GRIA4: variants seen among roughly 807,000 people sequenced by gnomAD.
The protein encoded by GRIA4 is glutamate ionotropic receptor AMPA type subunit 4, also known as glutamate receptor 4.
A neutral mutation model predicts 104.0 loss-of-function variants in GRIA4; 34 were observed. The ratio of observed to expected loss-of-function variants is 0.33; its 90% CI spans 0.25 to 0.44. The LOEUF (loss-of-function observed/expected upper bound fraction) is 0.44, where lower values mean the gene tolerates loss of function less well. GRIA4 is among the 20% of genes least tolerant of loss of function. GRIA4 has a pLI of 1.00. For synonymous variants in GRIA4, 386 were observed against 381.9 expected (o/e 1.01, Z -0.13); for missense variants, 750 against 1,096.5 (o/e 0.68, Z 4.46).
chr11:105,933,884 C>A lies in GRIA4; in HGVS notation c.2209C>A (p.Arg737=). 1 of 1,613,070 alleles carries A rather than the reference C, an allele frequency of 6.2e-7. No individual in the cohort carries two copies. The highest frequency in any genetic ancestry group is 1.1e-5 in the South Asian group (1 of 91,054). Reference sequence around the variant, plus strand: ...CACTATGAATGAATACATTGAGCAGCGAAAGCCATGTGACACGATGAAAGT... The same window carrying A: ...CACTATGAATGAATACATTGAGCAGAGAAAGCCATGTGACACGATGAAAGT... ...ESTMNEYIEQ[R]KPCDTMKVGG... is the part of the protein sequence containing the mutation. Residue 737 remains arginine, a synonymous_variant, in exon 14 of 17, where the codon CGA becomes AGA. Coordinates refer to ENST00000282499, the MANE Select transcript of GRIA4 (RefSeq NM_000829.4).
intron 4 of GRIA4, among the ~76,000 whole-genome samples, chr11:105,855,525 G>T (rs1359556146): frequency 1.3e-5 from 2 of 151,970 alleles, no homozygotes; most frequent in Admixed American, 1.3e-4. Flanking sequence ...AGAAAAAGTT[G>T]TACTTTATGA....
chr11:105,897,289 T>C (rs1323059053), intron 6 of GRIA4, among the ~76,000 whole-genome samples: 1 of 152,168 alleles, frequency 6.6e-6, no homozygotes, highest in Non-Finnish European at 1.5e-5. Flanking sequence ...TGCAATTGTT[T>C]ATCAGACATA....
At chr11:105,912,367 A>G in intron 10 of GRIA4, 2 of 970,984 alleles carry the variant, frequency 2.1e-6, no homozygotes, top group Non-Finnish European at 2.4e-6. Flanking sequence ...GGTATGATAT[A>G]GAGAATCTCC....
intron 7 of GRIA4, 28 bp downstream of exon 7, chr11:105,898,455 T>A: frequency 7.7e-7 from 1 of 1,290,752 alleles, no homozygotes; most frequent in Non-Finnish European, 1.1e-6. Context: ...TCTACTGTAT[T>A]ACTGATAGTT....
intron 4 of GRIA4, among the ~76,000 whole-genome samples, chr11:105,815,200 G>C (rs1943328072): frequency 6.6e-6 from 1 of 152,230 alleles, no homozygotes; most frequent in Non-Finnish European, 1.5e-5. Flanking sequence ...CCAGTTACAT[G>C]AATCAATAAA....
At chr11:105,915,241 T>C (rs1425879913) in intron 10 of GRIA4, among the ~76,000 whole-genome samples, 1 of 152,188 alleles carries the variant, frequency 6.6e-6, no homozygotes, top group Non-Finnish European at 1.5e-5. Flanking sequence ...TCACTCATCT[T>C]GAATCTCAGT....
intron 10 of GRIA4, among the ~76,000 whole-genome samples, chr11:105,917,526 T>A (rs1947439337): frequency 6.6e-6 from 1 of 152,174 alleles, no homozygotes; most frequent in Non-Finnish European, 1.5e-5. Flanking sequence ...CTTCCCCAAT[T>A]ATGAACTTTC....
At chr11:105,614,119 T>G (rs566006284) in intron 3 of GRIA4, 1 of 151,870 alleles carries the variant, frequency 6.6e-6, no homozygotes, top group Middle Eastern at 3.9e-3. Flanking sequence ...CTTACTACTT[T>G]TAAAAATAAT....
chr11:105,713,976 A>G (rs1028338905), intron 3 of GRIA4, among the ~76,000 whole-genome samples: 6 of 152,122 alleles, frequency 3.9e-5, no homozygotes, highest in Non-Finnish European at 7.4e-5. Context: ...TTTGTTTGTT[A>G]CCACAATAAT....
rs7941407 is a variant in GRIA4, at chr11:105,934,835, C to T, written c.2294+866C>T. Among the ~76,000 whole-genome samples the T allele has an allele frequency of 2.1e-3, 323 of 152,184 alleles. 3 individuals are homozygous for T. The highest frequency in any genetic ancestry group is 6.8e-3 in the African/African-American group (282 of 41,526). ...AAAGGCTGCTGTTGAATTGATGGGG[C>T]TGGATCCCATCAAAAGTGATGATCG... On this transcript the variant is annotated intron_variant, in intron 14 of 16. Transcript: ENST00000282499.
chr11:105,616,654 G>C (rs1037278802), intron 3 of GRIA4, among the ~76,000 whole-genome samples: 1 of 151,562 alleles, frequency 6.6e-6, no homozygotes, highest in African/African-American at 2.4e-5. Flanking sequence ...GTTTACACTG[G>C]ACTAATATAA....
chr11:105,787,527 G>A (rs968087690), intron 4 of GRIA4, among the ~76,000 whole-genome samples: 2 of 145,216 alleles, frequency 1.4e-5, no homozygotes, highest in African/African-American at 5.2e-5. Flanking sequence ...CTAGGCTGGA[G>A]TGCAATGGAG....
chr11:105,658,668 G>A (rs953603248), intron 3 of GRIA4, among the ~76,000 whole-genome samples: 12 of 151,882 alleles, frequency 7.9e-5, no homozygotes, highest in African/African-American at 2.9e-4. Context: ...GGGAGTGATA[G>A]TTGACATTAT....
chr11:105,647,299 C>A (rs1158486884), intron 3 of GRIA4, among the ~76,000 whole-genome samples: 4 of 152,062 alleles, frequency 2.6e-5, no homozygotes, highest in Non-Finnish European at 4.4e-5. Flanking sequence ...AAATAACATG[C>A]TGGCGAGGTT....
chr11:105,852,042 G>T (rs2135989986), intron 4 of GRIA4, among the ~76,000 whole-genome samples: 1 of 152,280 alleles, frequency 6.6e-6, no homozygotes, highest in South Asian at 2.1e-4. Flanking sequence ...ATAGAGAACT[G>T]CTCATGAAAT....
At chr11:105,831,418 T>A (rs879290433) in intron 4 of GRIA4, among the ~76,000 whole-genome samples, 1 of 151,956 alleles carries the variant, frequency 6.6e-6, no homozygotes, top group African/African-American at 2.4e-5. Flanking sequence ...ATAAGCTCCA[T>A]CTCATGACAT....
chr11:105,678,235 G>C lies in GRIA4; in HGVS notation c.247+65801G>C, dbSNP rs116671822. Among the ~76,000 whole-genome samples the C allele has an allele frequency of 6.8e-3, 1,035 of 152,122 alleles. 14 individuals carry two copies. Among genetic ancestry groups the C allele is most frequent in the East Asian group, 0.044 (229 of 5,174 alleles). ...AATAATAAGAAAGTCCTCTATGAGT[G>C]TATGCAAAGTTGACGTGGGGGCCCA... On this transcript the variant is annotated intron_variant, in intron 3 of 16. Transcript: ENST00000282499.
intron 4 of GRIA4, among the ~76,000 whole-genome samples, chr11:105,846,277 TA>T (rs1944592471): frequency 1.3e-5 from 2 of 152,288 alleles, no homozygotes; most frequent in East Asian, 3.9e-4. Flanking sequence ...GCTGATTATT[TA>T]AAATTTTATT....
chr11:105,633,181 T>C (rs1053108366), intron 3 of GRIA4, among the ~76,000 whole-genome samples: 26 of 152,194 alleles, frequency 1.7e-4, no homozygotes, highest in Admixed American at 6.5e-5. Flanking sequence ...AAAAGATGAA[T>C]TTATTATGCC....
Sources: gnomAD v4.1 joint callset for allele counts (sites outside exome capture counted in the v4.1 genomes callset) on GRCh38, gnomAD v4.1.1 for gene constraint, MANE v1.5 for transcripts, NCBI Gene and HGNC (gene_info 2026-07-23, HGNC 2026-07-21) for gene names.